Variants in TNNI3K observed in about 807,000 individuals in gnomAD.
TNNI3K encodes the protein TNNI3 interacting kinase.
Under a neutral mutation model 114.5 loss-of-function variants are expected in TNNI3K, and 140 were observed. That is an observed-to-expected ratio of 1.22 (90% CI 1.07 to 1.41). TNNI3K has a LOEUF of 1.41. Ranked by LOEUF, TNNI3K falls within the 40% of genes most tolerant of loss-of-function variation. TNNI3K has a pLI of 0.00. For synonymous variants in TNNI3K, 347 were observed against 347.5 expected (o/e 1.00, Z 0.02); for missense variants, 1,125 against 1,007.6 (o/e 1.12, Z -1.58).
chr1:74,357,284 G>A (rs1385717967), intron 11 of TNNI3K, among the ~76,000 whole-genome samples: 1 of 152,142 alleles, frequency 6.6e-6, no homozygotes, highest in East Asian at 1.9e-4. Flanking sequence ...AGATAAACAA[G>A]AAGGGAGCTT....
At chr1:74,253,014 T>C (rs1209223268) in intron 4 of TNNI3K, among the ~76,000 whole-genome samples, 1 of 152,140 alleles carries the variant, frequency 6.6e-6, no homozygotes, top group Admixed American at 6.5e-5. Flanking sequence ...GAGAGCTGAT[T>C]GGTCCATTTT....
intron 4 of TNNI3K, among the ~76,000 whole-genome samples, chr1:74,267,810 A>AT (rs1656093188): frequency 6.6e-6 from 1 of 151,968 alleles, no homozygotes; most frequent in Non-Finnish European, 1.5e-5. Context: ...TGACCTTACC[A>AT]TTTGCCCATT....
At chr1:74,497,051 G>A (rs1669362785) in intron 23 of TNNI3K, among the ~76,000 whole-genome samples, 1 of 152,066 alleles carries the variant, frequency 6.6e-6, no homozygotes, top group East Asian at 1.9e-4. Context: ...ACTACAAAAG[G>A]GTCCATCAAA....
intron 23 of TNNI3K, among the ~76,000 whole-genome samples, chr1:74,539,003 C>A (rs983100097): frequency 6.6e-6 from 1 of 151,974 alleles, no homozygotes; most frequent in South Asian, 2.1e-4. Context: ...ATGATGTAAT[C>A]TGTTTATATT....
At chr1:74,508,339 G>A (rs191291564) in intron 23 of TNNI3K, among the ~76,000 whole-genome samples, 1 of 152,308 alleles carries the variant, frequency 6.6e-6, no homozygotes, top group East Asian at 1.9e-4. Context: ...TTTTGTACCA[G>A]ATAACAGGCT....
At chr1:74,529,322 C>T (rs1646549808) in intron 23 of TNNI3K, among the ~76,000 whole-genome samples, 1 of 152,142 alleles carries the variant, frequency 6.6e-6, no homozygotes, top group Admixed American at 6.5e-5. Context: ...TGATACTGCC[C>T]TCCAAAGATG....
intron 2 of TNNI3K, among the ~76,000 whole-genome samples, chr1:74,244,352 G>A (rs979216220): frequency 6.6e-6 from 1 of 152,030 alleles, no homozygotes; most frequent in Non-Finnish European, 1.5e-5. Flanking sequence ...TTAAAGCAAG[G>A]AACTCTTTAG....
chr1:74,392,307 G>A (rs1287367886), intron 17 of TNNI3K, among the ~76,000 whole-genome samples: 1 of 152,192 alleles, frequency 6.6e-6, no homozygotes, highest in African/African-American at 2.4e-5. Context: ...AAAATAGAAG[G>A]ATCTAATTGT....
chr1:74,306,894 G>C (rs1658675713), intron 5 of TNNI3K, among the ~76,000 whole-genome samples: 1 of 151,912 alleles, frequency 6.6e-6, no homozygotes, highest in South Asian at 2.1e-4. Flanking sequence ...TTTTGTTTTT[G>C]TTCCATTTGC....
At chr1:74,486,893 T>C (rs1314856701) in intron 21 of TNNI3K, among the ~76,000 whole-genome samples, 1 of 152,160 alleles carries the variant, frequency 6.6e-6, no homozygotes, top group Non-Finnish European at 1.5e-5. Flanking sequence ...TTTAATGCTA[T>C]GCCAAGTGAA....
chr1:74,463,080 T>A (rs1405745608), intron 20 of TNNI3K, among the ~76,000 whole-genome samples: 1 of 152,220 alleles, frequency 6.6e-6, no homozygotes, highest in African/African-American at 2.4e-5. Flanking sequence ...TAGCCTGGGA[T>A]TTATGGCATT....
At chr1:74,380,703 C>G (rs2100547604) in intron 17 of TNNI3K, among the ~76,000 whole-genome samples, 1 of 152,240 alleles carries the variant, frequency 6.6e-6, no homozygotes, top group Admixed American at 6.5e-5. Flanking sequence ...GGCTTCGTTT[C>G]TTCTCTGCTC....
intron 9 of TNNI3K, among the ~76,000 whole-genome samples, chr1:74,349,075 G>A (rs1455348567): frequency 1.3e-5 from 2 of 151,990 alleles, no homozygotes; most frequent in East Asian, 3.9e-4. Context: ...GTCTTGTGCT[G>A]GTTTTCAAAG....
chr1:74,497,886 G>C (rs1371780574), intron 23 of TNNI3K, among the ~76,000 whole-genome samples: 1 of 152,094 alleles, frequency 6.6e-6, no homozygotes, highest in Non-Finnish European at 1.5e-5. Context: ...AGTGATACAC[G>C]TTTTCATCAT....
intron 23 of TNNI3K, among the ~76,000 whole-genome samples, chr1:74,518,228 A>G (rs144294993): frequency 6.6e-6 from 1 of 152,138 alleles, no homozygotes; most frequent in African/African-American, 2.4e-5. Context: ...GAGTTGTCAG[A>G]TGTGACAGTC....
chr1:74,311,163 A>G (rs1006129336), intron 5 of TNNI3K, among the ~76,000 whole-genome samples: 165 of 152,304 alleles, frequency 1.1e-3, no homozygotes, highest in African/African-American at 3.7e-3. Flanking sequence ...GTATTGAACT[A>G]TGTATGGTAC....
chr1:74,316,698 A>T (rs517507), intron 5 of TNNI3K, among the ~76,000 whole-genome samples: 149,933 of 151,318 alleles, frequency 0.99, 74,297 homozygotes, highest in Middle Eastern at 1. Flanking sequence ...TTATTTATTT[A>T]TTTATTTTTG....
intron 5 of TNNI3K, among the ~76,000 whole-genome samples, chr1:74,310,168 T>G (rs2100348710): frequency 6.6e-6 from 1 of 152,204 alleles, no homozygotes; most frequent in South Asian, 2.1e-4. Flanking sequence ...ACTAATAATG[T>G]TCGAGCTGAG....
intron 4 of TNNI3K, among the ~76,000 whole-genome samples, chr1:74,254,730 C>T (rs569893993): frequency 2.7e-3 from 413 of 152,074 alleles, no homozygotes; most frequent in African/African-American, 9.6e-3. Context: ...TCTTGGATCT[C>T]GCGCAAGAAA....
Sources: allele counts gnomAD v4.1 joint callset (sites outside exome capture counted in the v4.1 genomes callset), GRCh38; gene constraint gnomAD v4.1.1; transcripts MANE v1.5; gene names NCBI Gene and HGNC (gene_info 2026-07-23, HGNC 2026-07-21).